The following HK1 variants were observed in gnomAD, a reference collection of about 807,000 sequenced individuals.
The protein encoded by HK1 is hexokinase-1.
Under a neutral mutation model 91.6 loss-of-function variants are expected in HK1, and 28 were observed. The ratio of observed to expected loss-of-function variants is 0.31; its 90% confidence interval spans 0.23 to 0.42. The LOEUF is 0.42. Among genes scored for constraint, HK1 ranks in the 10% least tolerant of loss-of-function variants. The probability of loss-of-function intolerance (pLI) is 1.00; values close to 1 mark genes in which losing one functional copy is unlikely to be tolerated. For synonymous variants in HK1, 430 were observed against 468.1 expected, an observed-to-expected ratio of 0.92 and a Z score of 1.05; for missense variants, 770 against 1,219.8, an observed-to-expected ratio of 0.63 and a Z score of 5.49.
chr10:69,345,030 G>A (rs1020820690), intron 2 of HK1, among the ~76,000 whole-genome samples: 1 of 152,044 alleles, frequency 6.6e-6, no homozygotes, highest in African/African-American at 2.4e-5. Flanking sequence ...CTTGTATGCA[G>A]CCTGCAAAAT....
rs553079414 is a variant in HK1, at chr10:69,362,112, A to G, written c.375+2067A>G. 3.3e-5 allele frequency among the ~76,000 whole-genome samples: 5 copies of G among 152,382 alleles called. No homozygotes were observed. In the South Asian group the frequency reaches 1.0e-3, roughly 32 times the overall value. On this transcript the variant is annotated intron_variant, in intron 3 of 17. Coordinates refer to ENST00000359426, the MANE Select transcript of HK1 (RefSeq NM_000188.3). ...AGCTTTAATAAATTCAGAAGCACAA[A>G]TGGAACATTCTTAAAATATCACTTA...
chr10:69,295,666 C>T, exon 4 of HK1: 1 of 1,605,008 alleles, frequency 6.2e-7, no homozygotes, highest in Non-Finnish European at 8.5e-7. Context: ...ACTTCATCTA[C>T]TTGCTGAAAG....
intron 4 of HK1, chr10:69,295,830 T>A (rs1188903731): frequency 1.5e-6 from 1 of 684,574 alleles, no homozygotes; most frequent in Non-Finnish European, 2.6e-6. Flanking sequence ...GACCTCCAAC[T>A]TGCTCCCTGC....
chr10:69,383,121 G>C (rs375851763), intron 10 of HK1, among the ~76,000 whole-genome samples: 1 of 152,110 alleles, frequency 6.6e-6, no homozygotes, highest in Non-Finnish European at 1.5e-5. Context: ...AGGACTGCTT[G>C]AGCCCAGGAG....
At chr10:69,372,285 G>T (rs1386018695) in intron 7 of HK1, among the ~76,000 whole-genome samples, 1 of 152,222 alleles carries the variant, frequency 6.6e-6, no homozygotes, top group Non-Finnish European at 1.5e-5. Context: ...CTAGTTTACT[G>T]CATACTGTAG....
intron 5 of HK1, among the ~76,000 whole-genome samples, chr10:69,309,339 G>A (rs536628340): frequency 2.1e-4 from 32 of 150,004 alleles, no homozygotes; most frequent in Non-Finnish European, 4.4e-4. Context: ...CCGCCACCAC[G>A]CCCGGCTAAT....
intron 1 of HK1, among the ~76,000 whole-genome samples, chr10:69,280,983 AC>A (rs2132427587): frequency 6.6e-6 from 1 of 152,234 alleles, no homozygotes; most frequent in East Asian, 1.9e-4. Context: ...TTATCAAACA[AC>A]CTGTCCTATG....
chr10:69,395,362 G>T (rs1840087537), intron 16 of HK1, among the ~76,000 whole-genome samples: 1 of 152,144 alleles, frequency 6.6e-6, no homozygotes, highest in Admixed American at 6.5e-5. Flanking sequence ...CGGATCATGA[G>T]GTCAGGAGAT....
rs941806463 is a variant in HK1 at position 69,382,928 on chromosome 10, A to C, written c.1570+137A>C. ...TTGCCAGAGCTAGAAACTCCCTCACATCTCTGTTTTCCATTTTTATTAACT... is the reference window on the plus strand; with the variant it reads ...TTGCCAGAGCTAGAAACTCCCTCACCTCTCTGTTTTCCATTTTTATTAACT... On this transcript the variant is annotated intron_variant, in intron 10 of 17. Transcript: ENST00000359426. 5 of 780,180 alleles carry C rather than the reference A, an allele frequency of 6.4e-6. No homozygotes were observed. In the African/African-American group the frequency reaches 8.6e-5, roughly 13 times the overall value. The allele number at this position is 780,180 out of a possible 1,614,324, so 48.3% of individuals were successfully genotyped here. A position where few individuals can be genotyped will look rare whatever the true frequency, so the allele number is the denominator to read the frequency against.
upstream of HK1, among the ~76,000 whole-genome samples, chr10:69,313,347 G>T (rs1214908172): frequency 3.9e-5 from 6 of 152,206 alleles, no homozygotes; most frequent in African/African-American, 7.2e-5. Flanking sequence ...CGGGGAAGGC[G>T]CTGGCTAAGA....
intron 2 of HK1, among the ~76,000 whole-genome samples, chr10:69,353,469 G>A (rs183674030): frequency 2.0e-4 from 30 of 152,082 alleles, no homozygotes; most frequent in African/African-American, 6.3e-4. Flanking sequence ...GGCACGTGCC[G>A]GTAGTTCCAG....
upstream of HK1, chr10:69,316,000 G>T (rs768417748): frequency 6.2e-7 from 1 of 1,614,162 alleles, no homozygotes; most frequent in South Asian, 1.1e-5. Context: ...AGGTGCTGAG[G>T]CCTGGGAGAT....
intron 2 of HK1, among the ~76,000 whole-genome samples, chr10:69,347,617 G>A (rs1589520501): frequency 6.6e-6 from 1 of 151,766 alleles, no homozygotes; most frequent in Non-Finnish European, 1.5e-5. Flanking sequence ...TGTATTTTTA[G>A]TAGAGACGAG....
intron 1 of HK1, among the ~76,000 whole-genome samples, chr10:69,273,850 C>G (rs1564745409): frequency 6.6e-6 from 1 of 152,000 alleles, no homozygotes; most frequent in Non-Finnish European, 1.5e-5. Context: ...TTTTTTCTAA[C>G]TTTTCTTTTA....
At chr10:69,374,181 T>C (rs926720273) in intron 7 of HK1, among the ~76,000 whole-genome samples, 2 of 152,218 alleles carry the variant, frequency 1.3e-5, no homozygotes, top group Admixed American at 1.3e-4. Flanking sequence ...GCAGCTCCGG[T>C]CCTGGTTTGC....
In HK1 at chr10:69,345,991, C is replaced by T. The variant is rs534219407; in HGVS notation, c.226+2002C>T. On this transcript the variant is annotated intron_variant, in intron 2 of 17. Transcript: ENST00000359426. The stretch of plus-strand genomic sequence containing the variant: ...TTCATGTGCCCCAGAGCCCACACTT[C>T]GCTTGCAATGGTCCCTACAGCCCCG... 3.2e-4 allele frequency among the ~76,000 whole-genome samples: 49 copies of T among 152,286 alleles called. No individual in the cohort carries two copies. In the South Asian group the frequency reaches 0.01, roughly 32 times the overall value.
At chr10:69,310,556 G>C (rs1200243480) in intron 5 of HK1, among the ~76,000 whole-genome samples, 1 of 152,036 alleles carries the variant, frequency 6.6e-6, no homozygotes, top group Non-Finnish European at 1.5e-5. Flanking sequence ...CATGAACTCT[G>C]TGTGAGCATT....
intron 2 of HK1, among the ~76,000 whole-genome samples, chr10:69,285,173 G>A (rs1173528462): frequency 6.6e-6 from 1 of 152,058 alleles, no homozygotes; most frequent in South Asian, 2.1e-4. Context: ...GGTGGCTCAC[G>A]CCTGTAATCC....
chr10:69,399,107 G>C (rs1840274134), intron 17 of HK1, among the ~76,000 whole-genome samples: 1 of 152,240 alleles, frequency 6.6e-6, no homozygotes, highest in Non-Finnish European at 1.5e-5. Context: ...CCCCTTAGGT[G>C]GGGGCTAGGC....
Sources: allele counts gnomAD v4.1 joint callset (sites outside exome capture counted in the v4.1 genomes callset), GRCh38; gene constraint gnomAD v4.1.1; transcripts MANE v1.5; gene names NCBI Gene and HGNC (gene_info 2026-07-23, HGNC 2026-07-21).